Variants in ZNF609 observed in about 807,000 individuals in gnomAD.
ZNF609 encodes zinc finger protein 609.
A neutral mutation model predicts 109.5 loss-of-function variants in ZNF609; 11 were observed. The observed-to-expected ratio is 0.10, with a 90% CI of 0.06 to 0.17. The LOEUF (loss-of-function observed/expected upper bound fraction) is 0.17. Among genes scored for constraint, ZNF609 ranks in the 10% least tolerant of loss-of-function variants. The probability of loss-of-function intolerance (pLI) is 1.00; values close to 1 mark genes in which losing one functional copy is unlikely to be tolerated. For synonymous variants in ZNF609, 646 were observed against 662.0 expected, an observed-to-expected ratio of 0.98 and a Z score of 0.37; for missense variants, 1,559 against 1,772.4, an observed-to-expected ratio of 0.88 and a Z score of 2.16.
At chr15:64,513,101 T>A (rs2140359124) in intron 2 of ZNF609, among the ~76,000 whole-genome samples, 1 of 152,288 alleles carries the variant, frequency 6.6e-6, no homozygotes, top group Admixed American at 6.5e-5. Context: ...TACCTATCTA[T>A]CTTCTCAGAA....
At chr15:64,622,750 T>G in intron 2 of ZNF609, 77 bp from the exon 3 acceptor site, 1 of 1,255,262 alleles carries the variant, frequency 8.0e-7, no homozygotes, top group South Asian at 1.3e-5. Context: ...GATATAGGAC[T>G]AGATTAAATA....
At chr15:64,632,506 G>C (rs1896099609) in intron 3 of ZNF609, among the ~76,000 whole-genome samples, 1 of 151,816 alleles carries the variant, frequency 6.6e-6, no homozygotes, top group Admixed American at 6.6e-5. Flanking sequence ...TTTTGAGACA[G>C]AGTCTTACTC....
chr15:64,605,212 T>TTTA (rs1895574993), intron 2 of ZNF609, among the ~76,000 whole-genome samples: 1 of 152,174 alleles, frequency 6.6e-6, no homozygotes, highest in Non-Finnish European at 1.5e-5. Context: ...TATTAGTCCT[T>TTTA]CTAGCTTAAG....
chr15:64,555,990 CTT>C (rs796942761), intron 2 of ZNF609, among the ~76,000 whole-genome samples: 21 of 140,016 alleles, frequency 1.5e-4, no homozygotes, highest in Admixed American at 1.4e-4. Flanking sequence ...CAATAACTAC[CTT>C]TTTTTTTTTT....
At chr15:64,535,224 A>T (rs1359190698) in intron 2 of ZNF609, among the ~76,000 whole-genome samples, 1 of 151,972 alleles carries the variant, frequency 6.6e-6, no homozygotes, top group Non-Finnish European at 1.5e-5. Context: ...AATTTTTAAA[A>T]TTTTTTGTAG....
At chr15:64,570,828 C>G (rs558604081) in intron 2 of ZNF609, among the ~76,000 whole-genome samples, 3 of 152,078 alleles carry the variant, frequency 2.0e-5, no homozygotes, top group Admixed American at 6.6e-5. Context: ...GAGTTCGAGA[C>G]GAGCCTGGCC....
intron 3 of ZNF609, among the ~76,000 whole-genome samples, chr15:64,625,916 T>A (rs398043675): frequency 6.5e-4 from 59 of 91,140 alleles, no homozygotes; most frequent in South Asian, 1.7e-3. Context: ...AAAAAAAAAA[T>A]ATATATATAT....
At chr15:64,595,480 C>A (rs1161101016) in intron 2 of ZNF609, among the ~76,000 whole-genome samples, 2 of 151,978 alleles carry the variant, frequency 1.3e-5, no homozygotes, top group Non-Finnish European at 2.9e-5. Flanking sequence ...GAAATTGGGC[C>A]CGAAGACATC....
Position 64,561,570 on chromosome 15 carries a change from T to TA in ZNF609, c.748-61254dup, listed in dbSNP as rs1323020922. ...TCTTTTTCTTTTTTTTTTTTTTTTT[T>TA]AAATGATTTAGATGGGGTCTGCCTG... On this transcript the variant is annotated intron_variant, in intron 2 of 9. Coordinates refer to ENST00000326648, the MANE Select transcript of ZNF609 (RefSeq NM_015042.2). Among the ~76,000 whole-genome samples the TA allele has an allele frequency of 1.8e-3, 268 of 148,304 alleles. 1 individual carries two copies. Among genetic ancestry groups the TA allele is most frequent in the South Asian group, 0.013 (60 of 4,636 alleles).
intron 2 of ZNF609, among the ~76,000 whole-genome samples, chr15:64,565,842 T>C: frequency 6.6e-6 from 1 of 152,006 alleles, no homozygotes; most frequent in South Asian, 2.1e-4. Flanking sequence ...AGTACTTTAT[T>C]TTATTTTATT....
intron 1 of ZNF609, among the ~76,000 whole-genome samples, chr15:64,478,827 C>T (rs1265814671): frequency 6.6e-6 from 1 of 152,174 alleles, no homozygotes; most frequent in East Asian, 1.9e-4. Flanking sequence ...AACTTGAAGT[C>T]ATACATTCTC....
intron 2 of ZNF609, among the ~76,000 whole-genome samples, chr15:64,506,557 C>T (rs1309340724): frequency 6.6e-6 from 1 of 151,230 alleles, no homozygotes; most frequent in African/African-American, 2.4e-5. Context: ...CCTGTCTCTA[C>T]TAAAAATACA....
At position 64,674,425 on chromosome 15, in the gene ZNF609, A is replaced by T; in HGVS notation, c.1571A>T (p.Asp524Val). ...CAAGCTCATGCCCATACAGATGATG[A>T]CAGCAAGCCGGAAGCGGATGGGGAC... ...YHQAHAHTDD[D>V]SKPEADGDSE... Residue 524 changes from aspartate to valine, a missense_variant, in exon 5 of 10, where the codon GAC (aspartate) becomes GTC (valine). Around this residue, in one of 4 missense-constraint regions of ZNF609, gnomAD observed 1,204 missense variants for 1,314.1 expected, o/e 0.92. Transcript: ENST00000326648. 6.2e-7 allele frequency: 1 copy of T among 1,614,206 alleles called. No individual in the cohort carries two copies. Among genetic ancestry groups the T allele is most frequent in the Admixed American group, 1.7e-5 (1 of 60,026 alleles).
intron 1 of ZNF609, among the ~76,000 whole-genome samples, chr15:64,496,656 C>T (rs935076820): frequency 2.0e-5 from 3 of 152,116 alleles, no homozygotes; most frequent in Non-Finnish European, 2.9e-5. Context: ...GTGCCTGGCA[C>T]GTTGAAGGCA....
intron 1 of ZNF609, among the ~76,000 whole-genome samples, chr15:64,491,572 G>T (rs1370148534): frequency 6.6e-6 from 1 of 152,170 alleles, no homozygotes; most frequent in Non-Finnish European, 1.5e-5. Context: ...AGTTTTGCCG[G>T]GTGTGGTGGC....
At chr15:64,626,372 G>A (rs896115880) in intron 3 of ZNF609, among the ~76,000 whole-genome samples, 3 of 152,126 alleles carry the variant, frequency 2.0e-5, no homozygotes, top group Non-Finnish European at 4.4e-5. Context: ...AGATCTGTAA[G>A]ATCCAGGATA....
At chr15:64,503,201 A>G (rs1893586863) in intron 2 of ZNF609, 1 of 152,252 alleles carries the variant, frequency 6.6e-6, no homozygotes, top group African/African-American at 2.4e-5. Context: ...TTGCTCGACC[A>G]TACCTTCCTC....
chr15:64,505,105 T>A (rs1893616697), intron 2 of ZNF609, among the ~76,000 whole-genome samples: 1 of 152,246 alleles, frequency 6.6e-6, no homozygotes, highest in Non-Finnish European at 1.5e-5. Context: ...TCTTTGAGTT[T>A]AGGATTTTAG....
chr15:64,576,425 A>AT (rs1351361809), intron 2 of ZNF609, among the ~76,000 whole-genome samples: 2 of 151,984 alleles, frequency 1.3e-5, no homozygotes, highest in Admixed American at 6.6e-5. Flanking sequence ...TCAATTCAGA[A>AT]TTTTTTATCA....
Sources: gnomAD v4.1 joint callset for allele counts (sites outside exome capture counted in the v4.1 genomes callset) on GRCh38, gnomAD v4.1.1 for gene constraint, gnomAD v4.1.1 regional missense constraint, MANE v1.5 for transcripts, NCBI Gene and HGNC (gene_info 2026-07-23, HGNC 2026-07-21) for gene names.